The following MPG variants were observed in gnomAD, a reference collection of about 807,000 sequenced individuals.
MPG encodes the protein N-methylpurine DNA glycosylase.
In MPG, 33 loss-of-function variants were observed where a neutral mutation model predicts 31.7. The observed-to-expected ratio is 1.04, with a 90% CI of 0.79 to 1.39. MPG has a LOEUF of 1.39. Ranked by LOEUF, MPG falls within the 40% of genes most tolerant of loss-of-function variation. The pLI, the probability that MPG is intolerant of heterozygous loss-of-function variation, is 0.00. For missense variants in MPG, 455 were observed against 415.5 expected (o/e 1.10, Z -0.83); for synonymous variants, 202 against 169.2 (o/e 1.19, Z -1.51).
chr16:79,335 G>A, intron 1 of MPG, 90 bp from the exon 2 acceptor site: 1 of 1,613,296 alleles, frequency 6.2e-7, no homozygotes, highest in Non-Finnish European at 8.5e-7. Flanking sequence ...AAAGCAGGTG[G>A]TCAGATCCAG....
At chr16:79,846 G>C in intron 2 of MPG, 146 bp downstream of exon 2, 1 of 897,012 alleles carries the variant, frequency 1.1e-6, no homozygotes, top group Non-Finnish European at 1.7e-6. Context: ...ACTGGTCCCT[G>C]CTTAGCTTCA....
chr16:78,214 C>T, upstream of MPG: 3 of 1,167,648 alleles, frequency 2.6e-6, no homozygotes, highest in South Asian at 2.1e-5. Flanking sequence ...GCGCAGGCGC[C>T]GCTCCGCCCC....
chr16:77,972 G>A (rs143331713), upstream of MPG: 85 of 212,012 alleles, frequency 4.0e-4, no homozygotes, highest in Admixed American at 2.3e-3. Flanking sequence ...CGCAGGCGGG[G>A]GCGGACAGCT....
intron 2 of MPG, among the ~76,000 whole-genome samples, chr16:81,120 T>C (rs1277769522): frequency 6.6e-6 from 1 of 152,102 alleles, no homozygotes; most frequent in Non-Finnish European, 1.5e-5. Context: ...CACTCATCCC[T>C]AAAAGGGTCA....
intron 2 of MPG, among the ~76,000 whole-genome samples, chr16:81,808 C>T (rs1333900457): frequency 1.1e-5 from 1 of 89,160 alleles, no homozygotes; most frequent in Non-Finnish European, 2.2e-5. Context: ...GCGCTGACCC[C>T]TTCTTCCCAC....
At position 85,510 on chromosome 16, in the gene MPG, G is replaced by A; in HGVS notation, c.615G>A (p.Lys205=). 2 of 1,613,386 alleles carry A rather than the reference G, an allele frequency of 1.2e-6. No individual in the cohort carries two copies. Among genetic ancestry groups the A allele is most frequent in the Non-Finnish European group, 1.7e-6 (2 of 1,180,040 alleles). The change falls in exon 4 of 4, where the codon AAG becomes AAA. Residue 205 remains lysine (K), a synonymous_variant. Coordinates refer to ENST00000356432, the MANE Select transcript of MPG (RefSeq NM_001015052.3). The part of the protein sequence containing the change: ...LRKGTASRVL[K]DRELCSGPSK... The stretch of plus-strand genomic sequence containing the variant: ...AAGGCACCGCCAGCCGTGTCCTCAA[G>A]GACCGCGAGCTCTGCAGTGGCCCCT...
intron 3 of MPG, 152 bp downstream of exon 3, chr16:83,408 C>A: frequency 1.3e-6 from 1 of 775,676 alleles, no homozygotes; most frequent in Non-Finnish European, 2.1e-6. Context: ...GCTCTGGCTA[C>A]GCTGACGGGG....
At chr16:85,357 C>T in intron 3 of MPG, 44 bp from the exon 4 acceptor site, 1 of 1,546,226 alleles carries the variant, frequency 6.5e-7, no homozygotes, top group Non-Finnish European at 8.7e-7. Context: ...GCAGAGAGGA[C>T]AGGAGCCTAG....
chr16:80,468 CAG>C (rs1158971527), intron 2 of MPG, among the ~76,000 whole-genome samples: 2 of 152,178 alleles, frequency 1.3e-5, no homozygotes, highest in Non-Finnish European at 2.9e-5. Context: ...TCATGGAGAA[CAG>C]AGAACATTCT....
At position 78,252 on chromosome 16, in the gene MPG, G is replaced by A. The variant is rs1350975525; in HGVS notation, c.-58G>A. 3.7e-6 allele frequency: 5 copies of A among 1,365,478 alleles called. No individual in the cohort carries two copies. The highest frequency in any genetic ancestry group is 4.7e-6 in the Non-Finnish European group (5 of 1,054,976). 84.6% of individuals were successfully genotyped at this position (1,365,478 alleles called of 1,614,324 possible). ...TCCTAGGGGTGCTTCCGTGGTCGGCGGCTGCTGGGCTCCGCGCCGGGGTCC... is the reference window on the plus strand; with the variant it reads ...TCCTAGGGGTGCTTCCGTGGTCGGCAGCTGCTGGGCTCCGCGCCGGGGTCC... On this transcript the variant is annotated 5_prime_UTR_variant, in exon 1 of 4. Transcript: ENST00000356432.
intron 2 of MPG, 141 bp downstream of exon 2, chr16:79,841 T>G: frequency 1.1e-6 from 1 of 934,462 alleles, no homozygotes; most frequent in Non-Finnish European, 1.6e-6. Flanking sequence ...CTCACACTGG[T>G]CCCTGCTTAG....
chr16:77,694 G>C (rs948722910), upstream of MPG, among the ~76,000 whole-genome samples: 4 of 152,196 alleles, frequency 2.6e-5, no homozygotes, highest in African/African-American at 9.6e-5. Flanking sequence ...ACCCCGGCCA[G>C]GGGCGGGGGC....
At position 79,564 on chromosome 16, in the gene MPG, G is replaced by A. The variant is rs770066740; in HGVS notation, c.164G>A (p.Arg55His). 48 of 1,612,288 alleles carry A rather than the reference G, an allele frequency of 3.0e-5. No individual in the cohort carries two copies. Among genetic ancestry groups the A allele is most frequent in the Admixed American group, 6.7e-5 (4 of 59,898 alleles). ...GCCCAGGCACCTTGCCCCAGGGAGC[G>A]CTGCTTGGGACCGCCCACCACTCCG... is the stretch of plus-strand genomic sequence containing the variant. ...DAAQAPCPRE[R>H]CLGPPTTPGP... The change falls in exon 2 of 4, where the codon CGC (arginine) becomes CAC (histidine). Residue 55 changes from arginine (R) to histidine (H), a missense_variant. Physicochemically the swap from Arg to His is conservative, Grantham distance 29. Coordinates refer to ENST00000356432, the MANE Select transcript of MPG (RefSeq NM_001015052.3).
Position 80,064 on chromosome 16 carries a change from G to A in MPG, c.300+364G>A, listed in dbSNP as rs576988015. On this transcript the variant is annotated intron_variant, in intron 2 of 3. Transcript: ENST00000356432. The stretch of plus-strand genomic sequence containing the variant: ...GGCCAGTGTCGGGCTGCCCCTTCCC[G>A]CTGTAGTGGCTCACAGTGCAGTGCT... Among the ~76,000 whole-genome samples, 15 of 152,328 alleles carry A rather than the reference G, an allele frequency of 9.8e-5. No individual in the cohort carries two copies. The South Asian group carries it at 1.9e-3, about 19-fold the overall frequency.
chr16:79,230 A>C, intron 1 of MPG, 195 bp from the exon 2 acceptor site: 1 of 1,551,948 alleles, frequency 6.4e-7, no homozygotes, highest in South Asian at 1.2e-5. Flanking sequence ...CCATCGTCAG[A>C]CGTGATCATT....
rs560935967 is a variant in MPG at position 79,177 on chromosome 16, A to C, written c.25-248A>C. The C allele has an allele frequency of 1.7e-5, 26 of 1,540,572 alleles. No individual in the cohort carries two copies. The African/African-American group carries it at 3.4e-4, about 20-fold the overall frequency. ...GGCCCCCATGCCGTGCAGCTCGCAC[A>C]TATGTGGGGCAGAGCAGCCACCCTG... On this transcript the variant is annotated intron_variant, in intron 1 of 3. Coordinates refer to ENST00000356432, the MANE Select transcript of MPG (RefSeq NM_001015052.3).
chr16:78,375 A>G, intron 1 of MPG, 42 bp downstream of exon 1: 1 of 1,193,128 alleles, frequency 8.4e-7, no homozygotes, highest in African/African-American at 1.6e-5. Flanking sequence ...AGACGCGCCC[A>G]CCCCCAGGCG....
At chr16:79,123 C>T (rs1392741617) in intron 1 of MPG, 2 of 1,481,372 alleles carry the variant, frequency 1.4e-6, no homozygotes, top group Middle Eastern at 2.4e-4. Flanking sequence ...GGCTCAGGCC[C>T]CCATCTGCTC....
chr16:79,147 G>A lies in MPG; in HGVS notation c.25-278G>A, dbSNP rs1272408084. On this transcript the variant is annotated intron_variant, in intron 1 of 3. Transcript: ENST00000356432. ...CCCCATCTGCTCCCCAGGTCATGCA[G>A]CCTGGGCCCCCATGCCGTGCAGCTC... 70 of 1,509,712 alleles carry A rather than the reference G, an allele frequency of 4.6e-5. No individual in the cohort carries two copies. The South Asian group carries it at 8.2e-4, about 18-fold the overall frequency. The allele number at this position is 1,509,712 out of a possible 1,614,324, so 93.5% of individuals were successfully genotyped here.
Sources: gnomAD v4.1 joint callset for allele counts (sites outside exome capture counted in the v4.1 genomes callset) on GRCh38, gnomAD v4.1.1 for gene constraint, MANE v1.5 for transcripts, NCBI Gene and HGNC (gene_info 2026-07-23, HGNC 2026-07-21) for gene names.